Variants in CFAP276 observed in about 807,000 individuals in gnomAD.
The protein encoded by CFAP276 is cilia and flagella associated protein 276.
At chr1:109,107,880 T>C in the CFAP276 span, 1 of 1,459,520 alleles carries the variant, frequency 6.9e-7, no homozygotes, top group Non-Finnish European at 9.4e-7. Flanking sequence ...AAAAAAGCCC[T>C]AAACGGCTGC....
At chr1:109,106,048 CA>C in the CFAP276 span, 1 of 1,613,690 alleles carries the variant, frequency 6.2e-7, no homozygotes, top group Non-Finnish European at 8.5e-7. Flanking sequence ...AAGAAGCCAC[CA>C]TCTTTCTTTC....
the CFAP276 span, chr1:109,113,675 C>T: frequency 1.2e-6 from 2 of 1,613,992 alleles, no homozygotes; most frequent in African/African-American, 2.7e-5. Flanking sequence ...GTGATCTCTC[C>T]ATCTTCTTTC....
At chr1:109,113,451 A>AGG in the CFAP276 span, among the ~76,000 whole-genome samples, 4 of 120,382 alleles carry the variant, frequency 3.3e-5, no homozygotes, top group East Asian at 3.5e-4. Flanking sequence ...AGAGAGAGAG[A>AGG]GAGAGAGAGA....
chr1:109,106,875 C>T, the CFAP276 span: 2 of 866,944 alleles, frequency 2.3e-6, no homozygotes, highest in Non-Finnish European at 3.6e-6. Flanking sequence ...ATATTATAGA[C>T]ACAGATGTAA....
At chr1:109,106,204 A>G in the CFAP276 span, 1 of 1,004,940 alleles carries the variant, frequency 1.0e-6, no homozygotes. Context: ...GAAGCTTCTC[A>G]TAACAGCTGG....
chr1:109,112,448 G>T, the CFAP276 span: 2 of 1,163,828 alleles, frequency 1.7e-6, no homozygotes, highest in Non-Finnish European at 1.2e-6. Flanking sequence ...CTTGAATATG[G>T]AGATAGGGAG....
At chr1:109,107,079 T>C in the CFAP276 span, 1 of 1,614,214 alleles carries the variant, frequency 6.2e-7, no homozygotes, top group South Asian at 1.1e-5. Context: ...AGTGTGGTGG[T>C]TGTACAAGGC....
the CFAP276 span, chr1:109,107,232 G>A: frequency 1.3e-6 from 1 of 785,566 alleles, no homozygotes; most frequent in Non-Finnish European, 2.2e-6. Context: ...GCTCTCTTGG[G>A]CCTGAAATCC....
chr1:109,111,868 G>A, the CFAP276 span, among the ~76,000 whole-genome samples: 2 of 152,206 alleles, frequency 1.3e-5, no homozygotes, highest in African/African-American at 4.8e-5. Flanking sequence ...GTCACAACAT[G>A]TGCTATTGTG....
chr1:109,108,032 C>T, the CFAP276 span: 2 of 1,437,456 alleles, frequency 1.4e-6, no homozygotes, highest in Admixed American at 1.7e-5. Context: ...TCTTATATGG[C>T]AATTTCTGCA....
the CFAP276 span, chr1:109,112,524 A>G: frequency 6.5e-7 from 1 of 1,530,422 alleles, no homozygotes; most frequent in Non-Finnish European, 8.8e-7. Context: ...TTATGTTACC[A>G]TCTCTGCTCA....
chr1:109,110,373 A>T, the CFAP276 span, among the ~76,000 whole-genome samples: 294 of 151,562 alleles, frequency 1.9e-3, 2 homozygotes, highest in African/African-American at 6.8e-3. Context: ...TGCCTCAAGC[A>T]CCCCCTAAAA....
At chr1:109,110,200 G>A in the CFAP276 span, among the ~76,000 whole-genome samples, 18 of 152,040 alleles carry the variant, frequency 1.2e-4, no homozygotes, top group South Asian at 8.3e-4. Flanking sequence ...TTCTGCATAC[G>A]CTCTCTTCTG....
chr1:109,107,154 C>T, the CFAP276 span: 1 of 1,537,642 alleles, frequency 6.5e-7, no homozygotes, highest in Non-Finnish European at 9.0e-7. Context: ...AAGGTTAGCT[C>T]AGCCACCTGT....
the CFAP276 span, chr1:109,107,897 GA>G: frequency 6.4e-7 from 1 of 1,558,244 alleles, no homozygotes; most frequent in South Asian, 1.1e-5. Flanking sequence ...CTGCAAAGAG[GA>G]ATAATATTTC....
the CFAP276 span, among the ~76,000 whole-genome samples, chr1:109,110,847 A>G: frequency 9.2e-5 from 14 of 152,058 alleles, no homozygotes; most frequent in Non-Finnish European, 1.8e-4. Flanking sequence ...TTTCTCCCCA[A>G]ACCTGCTTCC....
the CFAP276 span, chr1:109,112,743 G>A: frequency 6.5e-7 from 1 of 1,537,058 alleles, no homozygotes; most frequent in Non-Finnish European, 8.8e-7. Flanking sequence ...CAGCCTCACT[G>A]GCATAAGATC....
At chr1:109,108,525 A>G in the CFAP276 span, among the ~76,000 whole-genome samples, 1 of 152,198 alleles carries the variant, frequency 6.6e-6, no homozygotes, top group African/African-American at 2.4e-5. Flanking sequence ...TGATCCTCCT[A>G]TGTTTTCTTA....
the CFAP276 span, among the ~76,000 whole-genome samples, chr1:109,113,451 A>AGAGAGAGAGAGAGAGAGAGT: frequency 3.3e-5 from 4 of 120,470 alleles, no homozygotes; most frequent in East Asian, 1.4e-3. Context: ...AGAGAGAGAG[A>AGAGAGAGAGAGAGAGAGAGT]GAGAGAGAGA....
Sources: allele counts gnomAD v4.1 joint callset (sites outside exome capture counted in the v4.1 genomes callset), GRCh38; gene constraint gnomAD v4.1.1; transcripts MANE v1.5; gene names NCBI Gene and HGNC (gene_info 2026-07-23, HGNC 2026-07-21).